Variants in SENP7 observed in about 807,000 individuals in gnomAD.
SENP7 encodes SUMO specific peptidase 7, also known as sentrin-specific protease 7.
SENP7 carries 64 observed loss-of-function variants against 141.2 expected under a neutral mutation model. That is an observed-to-expected ratio of 0.45 (90% CI 0.37 to 0.56). The LOEUF is 0.56. Among genes scored for constraint, SENP7 ranks in the 20% least tolerant of loss-of-function variants. The pLI, the probability that SENP7 is intolerant of heterozygous loss-of-function variation, is 0.00. For missense variants in SENP7, 1,025 were observed against 1,212.2 expected (o/e 0.85, Z 2.29); for synonymous variants, 382 against 426.4 (o/e 0.90, Z 1.28).
At chr3:101,353,522 A>C (rs1354826615) in intron 11 of SENP7, among the ~76,000 whole-genome samples, 1 of 152,026 alleles carries the variant, frequency 6.6e-6, no homozygotes, top group Admixed American at 6.6e-5. Context: ...CCCTAGATTT[A>C]AAAATAAGAA....
At chr3:101,397,311 T>A (rs1473389959) in intron 6 of SENP7, among the ~76,000 whole-genome samples, 1 of 152,054 alleles carries the variant, frequency 6.6e-6, no homozygotes, top group Non-Finnish European at 1.5e-5. Flanking sequence ...TTTTTCATTT[T>A]TAGCAGAAAC....
chr3:101,446,827 A>G (rs1050143782), intron 4 of SENP7, among the ~76,000 whole-genome samples: 11 of 152,218 alleles, frequency 7.2e-5, no homozygotes, highest in Non-Finnish European at 1.6e-4. Context: ...ATTTCAAATA[A>G]AAAGTGGTTA....
intron 1 of SENP7, among the ~76,000 whole-genome samples, chr3:101,509,594 A>G (rs1351604720): frequency 6.6e-6 from 1 of 152,234 alleles, no homozygotes; most frequent in Admixed American, 6.5e-5. Flanking sequence ...AATTCCATTC[A>G]TTCCAATGAC....
chr3:101,412,414 G>T lies in SENP7; in HGVS notation c.482+5179C>A, dbSNP rs138421988. Among the ~76,000 whole-genome samples the T allele has an allele frequency of 3.4e-3, 518 of 151,984 alleles. 5 individuals carry two copies. Among genetic ancestry groups the T allele is most frequent in the African/African-American group, 0.012 (508 of 41,504 alleles). ...GATTCACAGATTAGTTTCTAAATTT[G>T]TTCTTTTATTAAGCTAAATTTTAAG... is the stretch of plus-strand genomic sequence containing the variant. On this transcript the variant is annotated intron_variant, in intron 5 of 23. Transcript: ENST00000394095.
intron 4 of SENP7, among the ~76,000 whole-genome samples, chr3:101,430,633 A>G (rs990316836): frequency 6.6e-6 from 1 of 152,156 alleles, no homozygotes; most frequent in Non-Finnish European, 1.5e-5. Context: ...CTTTTCAAAA[A>G]AACCAGCTCC....
chr3:101,491,594 C>A (rs1257531794), intron 3 of SENP7, among the ~76,000 whole-genome samples: 1 of 152,164 alleles, frequency 6.6e-6, no homozygotes, highest in East Asian at 1.9e-4. Flanking sequence ...AATTTTCTAA[C>A]CTTATGCAAA....
intron 6 of SENP7, among the ~76,000 whole-genome samples, chr3:101,374,797 T>C (rs1268545811): frequency 6.8e-6 from 1 of 146,948 alleles, no homozygotes; most frequent in African/African-American, 2.5e-5. Context: ...AAATCAAAAA[T>C]TTTTGTTTAT....
chr3:101,484,037 T>A (rs1413668308), intron 3 of SENP7, among the ~76,000 whole-genome samples: 2 of 151,642 alleles, frequency 1.3e-5, no homozygotes, highest in African/African-American at 2.4e-5. Context: ...AAAAAAAAAA[T>A]TAACTCAAAC....
intron 7 of SENP7, among the ~76,000 whole-genome samples, chr3:101,370,701 A>C (rs1395055630): frequency 6.6e-6 from 1 of 152,180 alleles, no homozygotes; most frequent in Non-Finnish European, 1.5e-5. Flanking sequence ...CTTCTAAGAA[A>C]AGTACAGTTT....
chr3:101,455,730 A>G (rs2063329763), intron 4 of SENP7, among the ~76,000 whole-genome samples: 1 of 152,118 alleles, frequency 6.6e-6, no homozygotes, highest in Non-Finnish European at 1.5e-5. Context: ...ATACATCATA[A>G]TTTCTCATTC....
chr3:101,481,169 A>G (rs2064461470), intron 3 of SENP7, among the ~76,000 whole-genome samples: 1 of 152,182 alleles, frequency 6.6e-6, no homozygotes, highest in African/African-American at 2.4e-5. Context: ...CAATATTTCA[A>G]TAAGATACAT....
intron 11 of SENP7, among the ~76,000 whole-genome samples, chr3:101,359,905 AATAAT>A (rs2059848956): frequency 1.3e-5 from 2 of 151,798 alleles, no homozygotes; most frequent in East Asian, 3.8e-4. Flanking sequence ...CTGACTGTGT[AATAAT>A]ATAATTAATA....
At chr3:101,373,035 GCTT>G (rs1168478573) in intron 6 of SENP7, among the ~76,000 whole-genome samples, 1 of 151,932 alleles carries the variant, frequency 6.6e-6, no homozygotes, top group Non-Finnish European at 1.5e-5. Context: ...TACACGTAAT[GCTT>G]CCTTGTTTTG....
At chr3:101,483,335 A>C (rs374310547) in intron 3 of SENP7, among the ~76,000 whole-genome samples, 1 of 152,230 alleles carries the variant, frequency 6.6e-6, no homozygotes, top group Non-Finnish European at 1.5e-5. Flanking sequence ...AGGAACAGAA[A>C]ACAAAATACT....
chr3:101,402,576 C>G (rs771714384), intron 5 of SENP7, among the ~76,000 whole-genome samples: 180 of 131,440 alleles, frequency 1.4e-3, no homozygotes, highest in Non-Finnish European at 2.3e-3. Context: ...GAGATCATGC[C>G]ACTGCATTAC....
intron 6 of SENP7, among the ~76,000 whole-genome samples, chr3:101,374,007 A>T (rs959845072): frequency 5.3e-5 from 8 of 152,354 alleles, no homozygotes; most frequent in African/African-American, 1.9e-4. Flanking sequence ...ATATTTTCCA[A>T]TGCAACAAAA....
intron 3 of SENP7, among the ~76,000 whole-genome samples, chr3:101,488,590 C>T (rs1257421919): frequency 6.6e-6 from 1 of 152,138 alleles, no homozygotes; most frequent in Non-Finnish European, 1.5e-5. Context: ...GCCTGCAATC[C>T]CAGCACTTTG....
chr3:101,347,853 G>T lies in SENP7; in HGVS notation c.1837+19C>A. 1 of 1,265,694 alleles carries T rather than the reference G, an allele frequency of 7.9e-7. No homozygotes were observed. The highest frequency in any genetic ancestry group is 1.0e-6 in the Non-Finnish European group (1 of 953,834). 78.4% of individuals were successfully genotyped at this position (1,265,694 alleles called of 1,614,324 possible). ...CAATTTCAAGTTATCCTGAAATTTA[G>T]AAATCATTTTATACTCACATTGCTG... On this transcript the variant is annotated intron_variant, in intron 13 of 23. Coordinates refer to ENST00000394095, the MANE Select transcript of SENP7 (RefSeq NM_020654.5).
intron 4 of SENP7, among the ~76,000 whole-genome samples, chr3:101,441,540 TTGCCAATGCCCAAGTACAC>T (rs1232714075): frequency 7.6e-4 from 115 of 152,202 alleles, no homozygotes; most frequent in African/African-American, 2.4e-3. Context: ...CTACTCACCA[TTGCCAATGCCCAAGTACAC>T]TGCCAATGCC....
Sources: gnomAD v4.1 joint callset for allele counts (sites outside exome capture counted in the v4.1 genomes callset) on GRCh38, gnomAD v4.1.1 for gene constraint, MANE v1.5 for transcripts, NCBI Gene and HGNC (gene_info 2026-07-23, HGNC 2026-07-21) for gene names.